CPB1: variants seen among roughly 807,000 people sequenced by gnomAD.
CPB1 encodes the protein carboxypeptidase B.
CPB1 carries 53 observed loss-of-function variants against 51.4 expected under a neutral mutation model. The observed-to-expected ratio is 1.03, with a 90% CI of 0.83 to 1.30. The LOEUF (loss-of-function observed/expected upper bound fraction) is 1.30. Among genes scored for constraint, CPB1 ranks in the 50% most tolerant of loss-of-function variants. The pLI, the probability that CPB1 is intolerant of heterozygous loss-of-function variation, is 0.00. For missense variants in CPB1, 494 were observed against 516.2 expected, an observed-to-expected ratio of 0.96 and a Z score of 0.42; for synonymous variants, 189 against 186.9, an observed-to-expected ratio of 1.01 and a Z score of -0.09.
chr3:148,839,554 A>G (rs1267074146), intron 3 of CPB1, among the ~76,000 whole-genome samples: 2 of 152,168 alleles, frequency 1.3e-5, no homozygotes, highest in Non-Finnish European at 2.9e-5. Context: ...AGACCTTAAG[A>G]AAGTGTTTAT....
chr3:148,844,298 T>C (rs546131776), intron 6 of CPB1, among the ~76,000 whole-genome samples, 180 bp from the exon 7 acceptor site: 117 of 152,288 alleles, frequency 7.7e-4, no homozygotes, highest in African/African-American at 2.8e-3. Context: ...ATAACAATTA[T>C]AAATAAAAAT....
intron 5 of CPB1, 95 bp downstream of exon 5, chr3:148,841,070 A>T (rs1232727066): frequency 2.0e-6 from 2 of 995,264 alleles, no homozygotes; most frequent in African/African-American, 1.6e-5. Flanking sequence ...CGCTTATCCC[A>T]AACATTGTTA....
intron 6 of CPB1, among the ~76,000 whole-genome samples, chr3:148,842,702 G>A (rs1217449292): frequency 6.6e-6 from 1 of 152,124 alleles, no homozygotes; most frequent in African/African-American, 2.4e-5. Flanking sequence ...AAAGTTTAGG[G>A]AGAAACAGGA....
chr3:148,835,906 G>C (rs1454466315), intron 3 of CPB1, among the ~76,000 whole-genome samples: 5 of 152,128 alleles, frequency 3.3e-5, no homozygotes, highest in African/African-American at 4.8e-5. Flanking sequence ...GGGTAGCATA[G>C]TGCAACAAGT....
chr3:148,846,797 G>GTGTATATATATATATATA (rs1364486523), intron 9 of CPB1, among the ~76,000 whole-genome samples: 7 of 50,526 alleles, frequency 1.4e-4, no homozygotes, highest in Admixed American at 2.8e-4. Context: ...GTGTGCGTGT[G>GTGTATATATATATATATA]TATATATATA....
chr3:148,831,318 T>A (rs1302935230), intron 2 of CPB1, among the ~76,000 whole-genome samples: 3 of 152,182 alleles, frequency 2.0e-5, no homozygotes, highest in Admixed American at 2.0e-4. Flanking sequence ...ATTCCTACTG[T>A]ACCAGTAAGT....
chr3:148,849,395 T>A (rs374821993), intron 9 of CPB1, among the ~76,000 whole-genome samples: 1 of 152,190 alleles, frequency 6.6e-6, no homozygotes, highest in African/African-American at 2.4e-5. Context: ...ACAATGAATT[T>A]AGATTTCCAA....
chr3:148,844,519 T>C lies in CPB1; in HGVS notation c.618T>C (p.Leu206=). Residue 206 remains leucine (L), a synonymous_variant, in exon 7 of 11, where the codon CTT becomes CTC. Transcript: ENST00000282957. The stretch of plus-strand genomic sequence containing the variant: ...GACGTGAGATCCAAGTGACAGAGCT[T>C]CTCGACAAGTTAGACTTTTATGTCC... The part of the protein sequence containing the change: ...TYGREIQVTE[L]LDKLDFYVLP... 6.2e-7 allele frequency: 1 copy of C among 1,613,938 alleles called. No homozygotes were observed. Among genetic ancestry groups the C allele is most frequent in the Non-Finnish European group, 8.5e-7 (1 of 1,179,860 alleles).
intron 9 of CPB1, chr3:148,857,069 T>TGTTTTTTG (rs201153962): frequency 7.0e-6 from 1 of 142,976 alleles, no homozygotes; most frequent in African/African-American, 2.7e-5. Flanking sequence ...AGTGTTTTTT[T>TGTTTTTTG]TTTTTTTTTT....
intron 9 of CPB1, chr3:148,855,260 T>G (rs1713540726): frequency 6.6e-6 from 1 of 152,120 alleles, no homozygotes; most frequent in South Asian, 2.1e-4. Flanking sequence ...AGGCATAAAC[T>G]AAATGTTCCT....
chr3:148,859,700 C>A, intron 10 of CPB1, 115 bp from the exon 11 acceptor site: 1 of 985,092 alleles, frequency 1.0e-6, no homozygotes, highest in Admixed American at 2.8e-5. Context: ...AGAAAATTGG[C>A]CTACTCAAAA....
chr3:148,847,372 T>TAAA (rs3043983), intron 9 of CPB1, among the ~76,000 whole-genome samples: 960 of 86,432 alleles, frequency 0.011, 10 homozygotes, highest in East Asian at 0.027. Context: ...AAATCATTCT[T>TAAA]AAAAAAAAAA....
intron 3 of CPB1, among the ~76,000 whole-genome samples, chr3:148,840,070 A>G (rs958746040): frequency 2.0e-5 from 3 of 152,216 alleles, no homozygotes; most frequent in African/African-American, 4.8e-5. Flanking sequence ...CAGAACTATT[A>G]TTAGATTACT....
chr3:148,852,987 C>T (rs1713474997), intron 9 of CPB1, among the ~76,000 whole-genome samples: 2 of 152,142 alleles, frequency 1.3e-5, no homozygotes, highest in South Asian at 4.1e-4. Flanking sequence ...ACCGTAAGGG[C>T]TTCTTCTTTT....
chr3:148,840,617 G>A (rs1713045650), intron 3 of CPB1, 69 bp from the exon 4 acceptor site: 2 of 1,352,768 alleles, frequency 1.5e-6, no homozygotes, highest in Admixed American at 1.7e-5. Context: ...TGGCTCTGGG[G>A]TTTTATGTGT....
intron 10 of CPB1, 41 bp from the exon 11 acceptor site, chr3:148,859,774 T>A: frequency 6.5e-7 from 1 of 1,540,968 alleles, no homozygotes; most frequent in Non-Finnish European, 8.8e-7. Flanking sequence ...AGCTCCTTCC[T>A]AGATTTAAAG....
chr3:148,855,592 C>T (rs1713549971), intron 9 of CPB1: 1 of 152,142 alleles, frequency 6.6e-6, no homozygotes, highest in Non-Finnish European at 1.5e-5. Context: ...TATTGAGAGA[C>T]TTGAAAGACA....
At position 148,859,853 on chromosome 3, in the gene CPB1, C is replaced by T; in HGVS notation, c.1105C>T (p.Gln369Ter). 2 of 1,613,970 alleles carry T rather than the reference C, an allele frequency of 1.2e-6. No individual in the cohort carries two copies. The highest frequency in any genetic ancestry group is 1.7e-6 in the Non-Finnish European group (2 of 1,179,926). Residue 369 changes from glutamine to a stop codon, truncating the protein, a stop_gained, in exon 11 of 11, where the codon CAA becomes TAA. Transcript: ENST00000282957. LOFTEE classifies it high-confidence loss of function. ...GGGCTCTGACGACTGGGCTTATGAC[C>T]AAGGAATCAGATATTCCTTCACCTT... is the stretch of plus-strand genomic sequence containing the variant. Reference protein sequence around the residue: ...AGGSDDWAYDQGIRYSFTFEL... With the variant: ...AGGSDDWAYD
At chr3:148,851,613 T>C (rs1713434022) in intron 9 of CPB1, 1 of 152,144 alleles carries the variant, frequency 6.6e-6, no homozygotes, top group Admixed American at 6.5e-5. Flanking sequence ...CAGTGAAGAT[T>C]ATAGAGAGGG....
Sources: gnomAD v4.1 joint callset for allele counts (sites outside exome capture counted in the v4.1 genomes callset) on GRCh38, gnomAD v4.1.1 for gene constraint, MANE v1.5 for transcripts, NCBI Gene and HGNC (gene_info 2026-07-23, HGNC 2026-07-21) for gene names.